NXPH2: variants seen among roughly 807,000 people sequenced by gnomAD.
NXPH2 encodes neurexophilin 2, also known as neurexophilin-2.
NXPH2 carries 5 observed loss-of-function variants against 19.8 expected under a neutral mutation model. The observed-to-expected ratio is 0.25, with a 90% CI of 0.13 to 0.53. The LOEUF is 0.53. Ranked by LOEUF, NXPH2 falls within the 20% of genes least tolerant of loss-of-function variation. The probability of loss-of-function intolerance (pLI) is 0.96; values close to 1 mark genes in which losing one functional copy is unlikely to be tolerated. For missense variants in NXPH2, 289 were observed against 322.8 expected (o/e 0.90, Z 0.80); for synonymous variants, 154 against 127.4 (o/e 1.21, Z -1.41).
chr2:138,722,354 G>A (rs182100718), intron 1 of NXPH2, among the ~76,000 whole-genome samples: 12 of 152,320 alleles, frequency 7.9e-5, no homozygotes, highest in Non-Finnish European at 2.9e-5. Flanking sequence ...AAATGCAAAT[G>A]CCCTACAGCA....
chr2:138,690,705 C>T (rs1432642785), intron 1 of NXPH2, among the ~76,000 whole-genome samples: 1 of 148,126 alleles, frequency 6.8e-6, no homozygotes, highest in Non-Finnish European at 1.5e-5. Flanking sequence ...CTGTAACATC[C>T]ATTTCACACA....
chr2:138,689,725 T>C (rs1313061781), intron 1 of NXPH2, among the ~76,000 whole-genome samples: 3 of 152,180 alleles, frequency 2.0e-5, no homozygotes, highest in Admixed American at 6.5e-5. Flanking sequence ...ACTTAATATC[T>C]AGCGGAATAG....
At chr2:138,719,301 C>A (rs932141450) in intron 1 of NXPH2, among the ~76,000 whole-genome samples, 1 of 151,836 alleles carries the variant, frequency 6.6e-6, no homozygotes, top group African/African-American at 2.4e-5. Context: ...TAAGAAAATT[C>A]TTTATATGTC....
At chr2:138,714,970 T>G (rs1015650217) in intron 1 of NXPH2, among the ~76,000 whole-genome samples, 2 of 152,176 alleles carry the variant, frequency 1.3e-5, no homozygotes, top group Non-Finnish European at 2.9e-5. Flanking sequence ...TTACCGTAAA[T>G]TTCCTGAACA....
intron 1 of NXPH2, among the ~76,000 whole-genome samples, chr2:138,694,032 G>A (rs1481404958): frequency 1.3e-5 from 2 of 152,178 alleles, no homozygotes; most frequent in East Asian, 3.9e-4. Context: ...CTTAACCTCA[G>A]CCAATCAAGA....
At chr2:138,745,640 T>C (rs1224902803) in intron 1 of NXPH2, among the ~76,000 whole-genome samples, 3 of 152,182 alleles carry the variant, frequency 2.0e-5, no homozygotes, top group Non-Finnish European at 4.4e-5. Flanking sequence ...AATTGTGGCA[T>C]AGTTATATAC....
intron 1 of NXPH2, among the ~76,000 whole-genome samples, chr2:138,769,191 C>G (rs1030272607): frequency 8.5e-5 from 13 of 152,090 alleles, no homozygotes; most frequent in Non-Finnish European, 8.8e-5. Context: ...TAAAAAGGCT[C>G]ATGTTGGAAT....
At chr2:138,695,120 T>C (rs1005991309) in intron 1 of NXPH2, among the ~76,000 whole-genome samples, 3 of 152,150 alleles carry the variant, frequency 2.0e-5, no homozygotes, top group Non-Finnish European at 1.5e-5. Flanking sequence ...TTGACTAAAA[T>C]GGTATTATGT....
chr2:138,743,402 A>T (rs1036896303), intron 1 of NXPH2, among the ~76,000 whole-genome samples: 1 of 152,256 alleles, frequency 6.6e-6, no homozygotes, highest in Non-Finnish European at 1.5e-5. Flanking sequence ...TGGAAACATT[A>T]TGGTAAGTGA....
chr2:138,706,382 AT>A, intron 1 of NXPH2, among the ~76,000 whole-genome samples: 1 of 152,174 alleles, frequency 6.6e-6, no homozygotes, highest in Non-Finnish European at 1.5e-5. Flanking sequence ...ATGTTAACCA[AT>A]TGGCCAGATT....
chr2:138,673,409 TG>T (rs1422896837), intron 1 of NXPH2, among the ~76,000 whole-genome samples: 1 of 152,178 alleles, frequency 6.6e-6, no homozygotes, highest in East Asian at 1.9e-4. Flanking sequence ...TACATATTTA[TG>T]GGGGTACACG....
At chr2:138,703,009 A>G (rs879431034) in intron 1 of NXPH2, among the ~76,000 whole-genome samples, 28 of 152,152 alleles carry the variant, frequency 1.8e-4, no homozygotes, top group Non-Finnish European at 2.9e-4. Context: ...TTTAAGAAAA[A>G]TTGTGCTTTG....
At chr2:138,719,736 TA>T (rs1430810489) in intron 1 of NXPH2, among the ~76,000 whole-genome samples, 2 of 152,152 alleles carry the variant, frequency 1.3e-5, no homozygotes, top group Non-Finnish European at 2.9e-5. Context: ...TTTGAATGTT[TA>T]AATATATTAT....
At chr2:138,768,262 C>T (rs959744316) in intron 1 of NXPH2, among the ~76,000 whole-genome samples, 3 of 152,118 alleles carry the variant, frequency 2.0e-5, no homozygotes, top group African/African-American at 7.2e-5. Flanking sequence ...CTCTGGTTAT[C>T]TATGACTATT....
intron 1 of NXPH2, among the ~76,000 whole-genome samples, chr2:138,737,704 C>T (rs1375222791): frequency 6.6e-6 from 1 of 152,186 alleles, no homozygotes; most frequent in Non-Finnish European, 1.5e-5. Flanking sequence ...GAGTTGGATG[C>T]TCCCTCCAGC....
intron 1 of NXPH2, among the ~76,000 whole-genome samples, chr2:138,691,132 G>A (rs1435623379): frequency 6.6e-6 from 1 of 152,192 alleles, no homozygotes; most frequent in East Asian, 1.9e-4. Flanking sequence ...TTTTGGAAAA[G>A]TGGGCAGGGG....
At chr2:138,719,400 G>A (rs550524334) in intron 1 of NXPH2, among the ~76,000 whole-genome samples, 223 of 152,118 alleles carry the variant, frequency 1.5e-3, no homozygotes, top group African/African-American at 4.7e-3. Flanking sequence ...GGAGTCTTTC[G>A]GAATTTACTT....
chr2:138,740,126 T>C (rs1183536445), intron 1 of NXPH2, among the ~76,000 whole-genome samples: 2 of 152,106 alleles, frequency 1.3e-5, no homozygotes, highest in African/African-American at 2.4e-5. Flanking sequence ...CACTGGAACA[T>C]TAGGGCCACA....
intron 1 of NXPH2, among the ~76,000 whole-genome samples, chr2:138,675,484 T>G (rs1465411561): frequency 6.6e-6 from 1 of 152,110 alleles, no homozygotes; most frequent in Non-Finnish European, 1.5e-5. Context: ...AGTACTTCCA[T>G]TGTGATGGTT....
Sources: allele counts gnomAD v4.1 joint callset (sites outside exome capture counted in the v4.1 genomes callset), GRCh38; gene constraint gnomAD v4.1.1; transcripts MANE v1.5; gene names NCBI Gene and HGNC (gene_info 2026-07-23, HGNC 2026-07-21).